The following AGR2 variants were observed in gnomAD, a reference collection of about 807,000 sequenced individuals.
AGR2 encodes the protein anterior gradient 2, protein disulphide isomerase family member.
A neutral mutation model predicts 25.9 loss-of-function variants in AGR2; 27 were observed. The ratio of observed to expected loss-of-function variants is 1.04; its 90% CI spans 0.77 to 1.44. The LOEUF (loss-of-function observed/expected upper bound fraction) is 1.44. Among genes scored for constraint, AGR2 ranks in the 40% most tolerant of loss-of-function variants. The pLI is 0.00. For synonymous variants in AGR2, 78 were observed against 72.0 expected, an observed-to-expected ratio of 1.08 and a Z score of -0.42; for missense variants, 182 against 200.9, an observed-to-expected ratio of 0.91 and a Z score of 0.57.
chr7:16,800,303 G>T (rs1785119711), intron 4 of AGR2, among the ~76,000 whole-genome samples: 1 of 152,238 alleles, frequency 6.6e-6, no homozygotes, highest in Non-Finnish European at 1.5e-5. Context: ...TGAAGTGAGG[G>T]AGTGGTCCAT....
rs768557861 is a variant in AGR2, at chr7:16,801,252, A to G, written c.204-49T>C. 4 of 1,607,566 alleles carry G rather than the reference A, an allele frequency of 2.5e-6. No homozygotes were observed. The South Asian group carries it at 3.3e-5, about 13-fold the overall frequency. ...AATTTTAATGAGTAAGATTTCACAT[A>G]TATCTAGATGTCACTAGGTGGTGCT... is the stretch of plus-strand genomic sequence containing the variant. On this transcript the variant is annotated intron_variant, in intron 3 of 7. Coordinates refer to ENST00000419304, the MANE Select transcript of AGR2 (RefSeq NM_006408.4).
At chr7:16,801,629 T>C (rs1785146136) in intron 2 of AGR2, 29 bp downstream of exon 2, 7 of 1,613,710 alleles carry the variant, frequency 4.3e-6, no homozygotes, top group African/African-American at 1.3e-5. Flanking sequence ...TAAGTAGCAG[T>C]TGGAAGCCAA....
At chr7:16,794,332 A>G (rs1294268247) in intron 7 of AGR2, among the ~76,000 whole-genome samples, 1 of 152,228 alleles carries the variant, frequency 6.6e-6, no homozygotes, top group East Asian at 1.9e-4. Context: ...GTTGGTTCCT[A>G]GGATAAAACC....
At chr7:16,795,635 G>A (rs1463081947) in intron 6 of AGR2, among the ~76,000 whole-genome samples, 1 of 151,998 alleles carries the variant, frequency 6.6e-6, no homozygotes, top group Non-Finnish European at 1.5e-5. Flanking sequence ...GCCATGTTTT[G>A]TATTTAACTT....
intron 7 of AGR2, among the ~76,000 whole-genome samples, chr7:16,793,202 C>A (rs887988830): frequency 2.0e-5 from 3 of 152,084 alleles, no homozygotes; most frequent in Non-Finnish European, 2.9e-5. Flanking sequence ...GTGTGCTCCA[C>A]CATGCCCAGC....
At chr7:16,803,537 C>T (rs3807501) in intron 1 of AGR2, among the ~76,000 whole-genome samples, 24,977 of 152,056 alleles carry the variant, frequency 0.16, 2,301 homozygotes, top group South Asian at 0.28. Context: ...TGTTGCTAAG[C>T]TACCAGATCG....
intron 5 of AGR2, 21 bp downstream of exon 5, chr7:16,799,723 A>G: frequency 6.4e-7 from 1 of 1,574,322 alleles, no homozygotes; most frequent in Non-Finnish European, 8.7e-7. Flanking sequence ...AAATGTTAGT[A>G]ATGATGAAAA....
At chr7:16,795,129 G>T in intron 6 of AGR2, 110 bp from the exon 7 acceptor site, 4 of 1,175,120 alleles carry the variant, frequency 3.4e-6, no homozygotes, top group Non-Finnish European at 3.7e-6. Flanking sequence ...TGAGGGAATG[G>T]AGTGTGTCTG....
chr7:16,798,734 T>A (rs1190512660), intron 5 of AGR2, among the ~76,000 whole-genome samples: 2 of 152,172 alleles, frequency 1.3e-5, no homozygotes, highest in Non-Finnish European at 2.9e-5. Flanking sequence ...GTAGCAGGAA[T>A]ACTTGGAATT....
intron 4 of AGR2, 68 bp from the exon 5 acceptor site, chr7:16,799,885 G>A: frequency 9.3e-7 from 1 of 1,076,516 alleles, no homozygotes; most frequent in Non-Finnish European, 1.4e-6. Context: ...TCAATTTTCA[G>A]TTAAATTGCA....
intron 6 of AGR2, among the ~76,000 whole-genome samples, chr7:16,796,820 G>C (rs1257913490): frequency 6.6e-6 from 1 of 152,190 alleles, no homozygotes; most frequent in Non-Finnish European, 1.5e-5. Flanking sequence ...GGGAGTTAAT[G>C]ATGTGAAATT....
chr7:16,804,744 C>T (rs1164000105), intron 1 of AGR2, among the ~76,000 whole-genome samples, 191 bp downstream of exon 1: 1 of 151,664 alleles, frequency 6.6e-6, no homozygotes, highest in African/African-American at 2.4e-5. Context: ...CACACTGTGC[C>T]AGCTCTAGCC....
intron 1 of AGR2, among the ~76,000 whole-genome samples, chr7:16,804,569 C>A (rs1002872220): frequency 6.6e-6 from 1 of 152,136 alleles, no homozygotes; most frequent in African/African-American, 2.4e-5. Flanking sequence ...AGTGGAGAAG[C>A]CTATGGGGCT....
chr7:16,795,467 T>C (rs1468955598), intron 6 of AGR2, among the ~76,000 whole-genome samples: 1 of 151,286 alleles, frequency 6.6e-6, no homozygotes, highest in East Asian at 1.9e-4. Context: ...TTAAAAAAAG[T>C]TAATAGAGGA....
rs1784978266 is a variant in AGR2 at position 16,792,336 on chromosome 7, TAA to T, written c.*570_*571del. 6.6e-6 allele frequency: 1 copy of T among 152,666 alleles called. No homozygotes were observed. Among genetic ancestry groups the T allele is most frequent in the Admixed American group, 6.5e-5 (1 of 15,302 alleles). 9.5% of individuals were successfully genotyped at this position (152,666 alleles called of 1,614,324 possible). ...GGTTGGGCAAAATCTGACTAAAATTTAATTACTAAATGAAAGTGTGTACCTTA... is the reference window on the plus strand; with the variant it reads ...GGTTGGGCAAAATCTGACTAAAATTTTTACTAAATGAAAGTGTGTACCTTA... On this transcript the variant is annotated 3_prime_UTR_variant, in exon 8 of 8. Coordinates refer to ENST00000419304, the MANE Select transcript of AGR2 (RefSeq NM_006408.4).
chr7:16,804,267 T>TACAC (rs113991647), intron 1 of AGR2, among the ~76,000 whole-genome samples: 2,614 of 107,552 alleles, frequency 0.024, 30 homozygotes, highest in Admixed American at 0.053. Flanking sequence ...CAGACATAGG[T>TACAC]ACACACACAC....
At chr7:16,797,370 C>T (rs552171020) in intron 6 of AGR2, among the ~76,000 whole-genome samples, 3 of 152,312 alleles carry the variant, frequency 2.0e-5, no homozygotes, top group African/African-American at 7.2e-5. Flanking sequence ...GAATAGGGTG[C>T]TTTGTTCTCA....
At position 16,792,950 on chromosome 7, in the gene AGR2, G is replaced by A. The variant is rs148204661; in HGVS notation, c.486C>T (p.Asp162=). Residue 162 remains aspartate, a synonymous_variant, in exon 8 of 8, where the codon GAC becomes GAT. Transcript: ENST00000419304. ...YEPADTALLL[D]NMKKALKLLK... ...GCAACTTGAGAGCTTTCTTCATGTT[G>A]TCAAGCACTAATGGGGGATAAAAGC... 1 of 1,613,908 alleles carries A rather than the reference G, an allele frequency of 6.2e-7. No individual in the cohort carries two copies. The highest frequency in any genetic ancestry group is 8.5e-7 in the Non-Finnish European group (1 of 1,179,858).
intron 7 of AGR2, among the ~76,000 whole-genome samples, chr7:16,793,482 C>T (rs759580971): frequency 1.3e-5 from 2 of 152,184 alleles, no homozygotes; most frequent in African/African-American, 2.4e-5. Context: ...CATCTCCAAC[C>T]CTCACTTCCA....
Sources: gnomAD v4.1 joint callset for allele counts (sites outside exome capture counted in the v4.1 genomes callset) on GRCh38, gnomAD v4.1.1 for gene constraint, MANE v1.5 for transcripts, NCBI Gene and HGNC (gene_info 2026-07-23, HGNC 2026-07-21) for gene names.